SYT1: variants seen among roughly 807,000 people sequenced by gnomAD.
SYT1 encodes synaptotagmin-1.
In SYT1, 8 loss-of-function variants were observed where a neutral mutation model predicts 44.8. That is an observed-to-expected ratio of 0.18 (90% CI 0.10 to 0.32). The LOEUF (loss-of-function observed/expected upper bound fraction) is 0.32. Ranked by LOEUF, SYT1 falls within the 10% of genes least tolerant of loss-of-function variation. The pLI, the probability that SYT1 is intolerant of heterozygous loss-of-function variation, is 1.00. For synonymous variants in SYT1, 154 were observed against 188.8 expected (o/e 0.82, Z 1.51); for missense variants, 286 against 509.3 (o/e 0.56, Z 4.22).
chr12:79,446,740 A>G (rs1418372706), intron 10 of SYT1, among the ~76,000 whole-genome samples: 1 of 152,056 alleles, frequency 6.6e-6, no homozygotes, highest in Admixed American at 6.6e-5. Context: ...GTTCCCAATA[A>G]CTTTTTCACT....
chr12:79,101,718 G>A (rs1025855828), intron 3 of SYT1, among the ~76,000 whole-genome samples: 5 of 149,540 alleles, frequency 3.3e-5, no homozygotes, highest in Admixed American at 6.6e-5. Context: ...AAGAGCCTGG[G>A]CAACATGGCA....
At chr12:78,903,537 G>T (rs1012392904) in intron 1 of SYT1, among the ~76,000 whole-genome samples, 1 of 151,852 alleles carries the variant, frequency 6.6e-6, no homozygotes, top group Non-Finnish European at 1.5e-5. Flanking sequence ...TGCCCGCCTC[G>T]GCCTCCCAAA....
At chr12:78,880,297 CT>C (rs2137054136) in intron 1 of SYT1, among the ~76,000 whole-genome samples, 1 of 151,700 alleles carries the variant, frequency 6.6e-6, no homozygotes, top group East Asian at 2.0e-4. Flanking sequence ...TCTGTATTCT[CT>C]TTTGATTACT....
At chr12:78,922,858 G>C (rs551127771) in intron 1 of SYT1, among the ~76,000 whole-genome samples, 2 of 151,872 alleles carry the variant, frequency 1.3e-5, no homozygotes, top group Non-Finnish European at 2.9e-5. Context: ...TACTATTACT[G>C]TTCCCATTAA....
At chr12:79,079,302 C>T (rs1041684916) in intron 3 of SYT1, among the ~76,000 whole-genome samples, 5 of 151,854 alleles carry the variant, frequency 3.3e-5, no homozygotes, top group Non-Finnish European at 7.4e-5. Context: ...ATTAAAAATA[C>T]ACTGAGTGAT....
At position 79,222,377 on chromosome 12, in the gene SYT1, C is replaced by CT. The variant is rs1875217990; in HGVS notation, c.166+4701dup. Among the ~76,000 whole-genome samples the CT allele has an allele frequency of 2.5e-4, 6 of 23,730 alleles. No individual in the cohort carries two copies. The East Asian group carries it at 2.9e-3, about 12-fold the overall frequency. The allele number at this position is 23,730 out of a possible 152,430, so 15.6% of individuals were successfully genotyped here. On this transcript the variant is annotated intron_variant, in intron 4 of 10. Coordinates refer to ENST00000261205, the MANE Select transcript of SYT1 (RefSeq NM_005639.3). ...TTTTCTGCTACTATTTATTTATTTACTTTTTTTTTCTTTTTTCTTTTTTTT... is the reference window on the plus strand; with the variant it reads ...TTTTCTGCTACTATTTATTTATTTACTTTTTTTTTTCTTTTTTCTTTTTTTT...
At chr12:79,217,318 A>G (rs1421842470) in intron 3 of SYT1, among the ~76,000 whole-genome samples, 185 bp from the exon 4 acceptor site, 1 of 152,220 alleles carries the variant, frequency 6.6e-6, no homozygotes, top group Admixed American at 6.5e-5. Context: ...TCTGGGGAAG[A>G]ACTCTTCACT....
chr12:79,035,640 C>CT (rs1203423566), intron 2 of SYT1, among the ~76,000 whole-genome samples: 1 of 151,612 alleles, frequency 6.6e-6, no homozygotes, highest in East Asian at 1.9e-4. Flanking sequence ...GCCACCCATT[C>CT]TGCCATCACT....
intron 2 of SYT1, among the ~76,000 whole-genome samples, chr12:78,992,195 T>G (rs1171300728): frequency 6.6e-6 from 1 of 152,190 alleles, no homozygotes; most frequent in Non-Finnish European, 1.5e-5. Flanking sequence ...TTAGAAACAG[T>G]TATGCTCAGA....
chr12:79,306,216 C>T (rs1276195349), intron 8 of SYT1, among the ~76,000 whole-genome samples: 2 of 152,222 alleles, frequency 1.3e-5, no homozygotes, highest in East Asian at 3.8e-4. Flanking sequence ...TAGAATTTAA[C>T]AAATATGCAT....
chr12:79,054,839 A>G (rs1158333919), intron 3 of SYT1, among the ~76,000 whole-genome samples: 1 of 151,944 alleles, frequency 6.6e-6, no homozygotes, highest in Non-Finnish European at 1.5e-5. Context: ...CCATGATCAG[A>G]TTAAATTATG....
chr12:79,350,918 C>T (rs1882871341), intron 8 of SYT1, among the ~76,000 whole-genome samples: 1 of 152,144 alleles, frequency 6.6e-6, no homozygotes, highest in Non-Finnish European at 1.5e-5. Flanking sequence ...TTTCAAATAT[C>T]TTGGAGATCC....
At chr12:79,252,475 A>G (rs1194553174) in intron 4 of SYT1, among the ~76,000 whole-genome samples, 2 of 152,064 alleles carry the variant, frequency 1.3e-5, no homozygotes, top group Non-Finnish European at 2.9e-5. Context: ...CACTTTTTTT[A>G]CTCTCTTGTG....
At chr12:79,410,341 G>T (rs1214890502) in intron 9 of SYT1, among the ~76,000 whole-genome samples, 6 of 151,826 alleles carry the variant, frequency 4.0e-5, no homozygotes, top group Admixed American at 1.3e-4. Flanking sequence ...TTCTCTCAGG[G>T]TCATAAAGCC....
intron 8 of SYT1, among the ~76,000 whole-genome samples, chr12:79,335,020 G>C (rs923810326): frequency 3.5e-4 from 53 of 151,962 alleles, no homozygotes; most frequent in African/African-American, 1.2e-3. Flanking sequence ...CCCACTCCAG[G>C]TGACATTCTT....
intron 4 of SYT1, among the ~76,000 whole-genome samples, chr12:79,281,902 G>GAAATC (rs1266233851): frequency 2.4e-4 from 37 of 152,306 alleles, no homozygotes; most frequent in African/African-American, 8.9e-4. Flanking sequence ...TCACTGAGCT[G>GAAATC]AAATCAAGGC....
intron 3 of SYT1, among the ~76,000 whole-genome samples, chr12:79,117,867 T>C (rs1879388713): frequency 6.6e-6 from 1 of 151,396 alleles, no homozygotes; most frequent in African/African-American, 2.4e-5. Context: ...ATTCTTAGGG[T>C]AACACCTTAA....
intron 1 of SYT1, among the ~76,000 whole-genome samples, chr12:78,885,464 A>G (rs1874696577): frequency 6.6e-6 from 1 of 152,068 alleles, no homozygotes; most frequent in Admixed American, 6.6e-5. Flanking sequence ...AAAAATAAAA[A>G]TAAAAAACAA....
chr12:79,067,933 A>C (rs1225938198), intron 3 of SYT1, among the ~76,000 whole-genome samples: 1 of 152,210 alleles, frequency 6.6e-6, no homozygotes, highest in African/African-American at 2.4e-5. Context: ...TTCAGGGTTG[A>C]ATATAATCAT....
Sources: allele counts gnomAD v4.1 joint callset (sites outside exome capture counted in the v4.1 genomes callset), GRCh38; gene constraint gnomAD v4.1.1; transcripts MANE v1.5; gene names NCBI Gene and HGNC (gene_info 2026-07-23, HGNC 2026-07-21).